RALGPS1: variants seen among roughly 807,000 people sequenced by gnomAD.
The protein encoded by RALGPS1 is Ral GEF with PH domain and SH3 binding motif 1, also known as ras-specific guanine nucleotide-releasing factor RalGPS1.
RALGPS1 carries 19 observed loss-of-function variants against 78.8 expected under a neutral mutation model. The ratio of observed to expected loss-of-function variants is 0.24; its 90% CI spans 0.17 to 0.35. The LOEUF is 0.35. Among genes scored for constraint, RALGPS1 ranks in the 10% least tolerant of loss-of-function variants. RALGPS1 has a pLI of 1.00. For missense variants in RALGPS1, 454 were observed against 688.3 expected (o/e 0.66, Z 3.81); for synonymous variants, 228 against 256.3 (o/e 0.89, Z 1.06).
intron 1 of RALGPS1, among the ~76,000 whole-genome samples, chr9:126,942,665 A>T (rs2131484230): frequency 6.6e-6 from 1 of 152,226 alleles, no homozygotes; most frequent in African/African-American, 2.4e-5. Flanking sequence ...AAAATGTCTT[A>T]GCTGTTTTTA....
intron 1 of RALGPS1, among the ~76,000 whole-genome samples, chr9:126,926,928 C>T (rs892926984): frequency 2.0e-5 from 3 of 152,044 alleles, no homozygotes; most frequent in East Asian, 1.9e-4. Flanking sequence ...AGCTATGAAA[C>T]GTGAAAGGAA....
intron 11 of RALGPS1, among the ~76,000 whole-genome samples, chr9:127,191,689 G>GTTT (rs2061045027): frequency 1.2e-4 from 17 of 143,596 alleles, no homozygotes; most frequent in African/African-American, 4.4e-4. Context: ...TTGTTTTTTG[G>GTTT]GTTTTTTTTT....
intron 4 of RALGPS1, among the ~76,000 whole-genome samples, chr9:127,032,846 A>G (rs1373580204): frequency 6.6e-6 from 1 of 152,242 alleles, no homozygotes; most frequent in Non-Finnish European, 1.5e-5. Context: ...AAATTAAAAA[A>G]AGAAACCAAG....
intron 8 of RALGPS1, among the ~76,000 whole-genome samples, chr9:127,145,704 C>T (rs1184212702): frequency 6.6e-6 from 1 of 152,170 alleles, no homozygotes; most frequent in Non-Finnish European, 1.5e-5. Context: ...ATGTGGAGCT[C>T]TCTGCAGATG....
intron 8 of RALGPS1, among the ~76,000 whole-genome samples, chr9:127,143,971 G>A (rs933847619): frequency 6.6e-6 from 1 of 152,272 alleles, no homozygotes; most frequent in Non-Finnish European, 1.5e-5. Flanking sequence ...GCACAGCAGA[G>A]GATGGATTAG....
chr9:127,088,925 G>A lies in RALGPS1; in HGVS notation c.610+19569G>A, dbSNP rs1362374003. The A allele has an allele frequency of 4.3e-6, 7 of 1,614,104 alleles. No homozygotes were observed. In the African/African-American group the frequency reaches 5.3e-5, roughly 12 times the overall value. On this transcript the variant is annotated intron_variant, in intron 8 of 18. Transcript: ENST00000259351. ...CCTGGCAATGGCCACGAGAGGTCAG[G>A]AGGGGGAGCTGGCTTAGTGGAAGGT... is the stretch of plus-strand genomic sequence containing the variant.
intron 8 of RALGPS1, among the ~76,000 whole-genome samples, chr9:127,070,640 G>GA (rs2050114660): frequency 1.3e-5 from 2 of 152,016 alleles, no homozygotes; most frequent in South Asian, 4.2e-4. Context: ...TTTGATAGGT[G>GA]AAAAATACTT....
intron 7 of RALGPS1, among the ~76,000 whole-genome samples, chr9:127,065,584 G>A (rs1372645571): frequency 6.6e-6 from 1 of 152,064 alleles, no homozygotes; most frequent in Non-Finnish European, 1.5e-5. Context: ...AGATATCTAA[G>A]TAATCCTAAA....
intron 3 of RALGPS1, among the ~76,000 whole-genome samples, chr9:126,974,646 GC>G (rs1357591982): frequency 6.6e-6 from 1 of 152,120 alleles, no homozygotes; most frequent in African/African-American, 2.4e-5. Flanking sequence ...GGAAGCCATT[GC>G]CAGGTGACTA....
intron 9 of RALGPS1, 144 bp downstream of exon 9, chr9:127,166,350 T>G (rs576675893): frequency 3.5e-5 from 34 of 981,336 alleles, no homozygotes; most frequent in Non-Finnish European, 2.7e-5. Flanking sequence ...CTAGATCCTT[T>G]TATACATAGG....
intron 5 of RALGPS1, among the ~76,000 whole-genome samples, chr9:127,048,510 G>A (rs1219817259): frequency 6.6e-6 from 1 of 152,142 alleles, no homozygotes; most frequent in Non-Finnish European, 1.5e-5. Flanking sequence ...CCAGTGCCTG[G>A]AGCCCACACA....
chr9:126,930,357 T>A (rs982070947), intron 1 of RALGPS1, among the ~76,000 whole-genome samples: 4 of 152,128 alleles, frequency 2.6e-5, no homozygotes, highest in Admixed American at 6.5e-5. Flanking sequence ...TGGCAAAGAT[T>A]TAATGCAATT....
At chr9:127,128,172 A>G (rs187564231) in intron 8 of RALGPS1, among the ~76,000 whole-genome samples, 52 of 152,348 alleles carry the variant, frequency 3.4e-4, no homozygotes, top group African/African-American at 1.2e-3. Context: ...TGCAAAGGAC[A>G]TGAACTCATC....
chr9:127,031,670 T>C (rs1303591837), intron 4 of RALGPS1, among the ~76,000 whole-genome samples: 1 of 152,234 alleles, frequency 6.6e-6, no homozygotes, highest in Admixed American at 6.5e-5. Context: ...ATAAGTGACA[T>C]GGTGTGGGAT....
At chr9:127,114,147 G>A (rs370743588) in intron 8 of RALGPS1, among the ~76,000 whole-genome samples, 1 of 152,194 alleles carries the variant, frequency 6.6e-6, no homozygotes, top group Non-Finnish European at 1.5e-5. Flanking sequence ...TTTGAGGGCC[G>A]CCATGCATGG....
At chr9:127,169,056 A>G (rs2139704076) in intron 10 of RALGPS1, among the ~76,000 whole-genome samples, 1 of 152,288 alleles carries the variant, frequency 6.6e-6, no homozygotes, top group Middle Eastern at 3.4e-3. Flanking sequence ...TGTTGTGTTA[A>G]CTTCTCAGTA....
At chr9:127,070,110 G>C (rs1298556597) in intron 8 of RALGPS1, 3 of 152,134 alleles carry the variant, frequency 2.0e-5, no homozygotes, top group African/African-American at 7.2e-5. Context: ...GTGGTTTCAG[G>C]ATGAAGCTGT....
rs546355182 is a variant in RALGPS1 at position 127,195,436 on chromosome 9, C to T, written c.1037+219C>T. On this transcript the variant is annotated intron_variant, in intron 12 of 18. Coordinates refer to ENST00000259351, the MANE Select transcript of RALGPS1 (RefSeq NM_014636.3). Reference sequence around the variant, plus strand: ...TGTGGCAGCACTGACTCCACACCACCGACAGGTGTCTCAGGCTCAGCAGCT... The same window carrying T: ...TGTGGCAGCACTGACTCCACACCACTGACAGGTGTCTCAGGCTCAGCAGCT... Among the ~76,000 whole-genome samples the T allele has an allele frequency of 3.3e-5, 5 of 152,332 alleles. No individual in the cohort carries two copies. In the East Asian group the frequency reaches 7.7e-4, roughly 23 times the overall value.
At chr9:127,008,514 A>G (rs1588987558) in intron 4 of RALGPS1, among the ~76,000 whole-genome samples, 2 of 152,092 alleles carry the variant, frequency 1.3e-5, no homozygotes, top group Non-Finnish European at 2.9e-5. Context: ...CAGCTGTGGG[A>G]AAAGTGGGAT....
Sources: allele counts gnomAD v4.1 joint callset (sites outside exome capture counted in the v4.1 genomes callset), GRCh38; gene constraint gnomAD v4.1.1; transcripts MANE v1.5; gene names NCBI Gene and HGNC (gene_info 2026-07-23, HGNC 2026-07-21).